SPATA6: variants seen among roughly 807,000 people sequenced by gnomAD.
The protein encoded by SPATA6 is spermatogenesis-associated protein 6.
Under a neutral mutation model 65.3 loss-of-function variants are expected in SPATA6, and 56 were observed. The observed-to-expected ratio is 0.86, with a 90% confidence interval of 0.69 to 1.07. The LOEUF (loss-of-function observed/expected upper bound fraction) is 1.07. Among genes scored for constraint, SPATA6 ranks in the 50% least tolerant of loss-of-function variants. The pLI, the probability that SPATA6 is intolerant of heterozygous loss-of-function variation, is 0.00. For missense variants in SPATA6, 590 were observed against 594.8 expected (o/e 0.99, Z 0.08); for synonymous variants, 199 against 213.2 (o/e 0.93, Z 0.58).
intron 11 of SPATA6, among the ~76,000 whole-genome samples, chr1:48,353,446 A>C (rs1464593437): frequency 2.6e-5 from 4 of 151,172 alleles, no homozygotes; most frequent in Non-Finnish European, 5.9e-5. Flanking sequence ...AAAAAAAAAA[A>C]CTCACGTGTT....
intron 3 of SPATA6, among the ~76,000 whole-genome samples, chr1:48,441,394 C>T (rs1655458973): frequency 6.6e-6 from 1 of 152,234 alleles, no homozygotes; most frequent in African/African-American, 2.4e-5. Flanking sequence ...TCTCCCACCT[C>T]CTCAGTTGTA....
chr1:48,466,682 ATTT>A (rs1657832128), intron 1 of SPATA6, among the ~76,000 whole-genome samples: 1 of 151,956 alleles, frequency 6.6e-6, no homozygotes, highest in Non-Finnish European at 1.5e-5. Context: ...AATTTGAACT[ATTT>A]TATAGTTAAA....
intron 9 of SPATA6, among the ~76,000 whole-genome samples, chr1:48,381,758 G>A (rs1350463268): frequency 7.0e-6 from 1 of 143,072 alleles, no homozygotes; most frequent in Non-Finnish European, 1.5e-5. Flanking sequence ...GGGGGATTTA[G>A]CAGGGTCATA....
chr1:48,280,761 G>A, the SPATA6 span, among the ~76,000 whole-genome samples: 3 of 152,118 alleles, frequency 2.0e-5, no homozygotes, highest in African/African-American at 7.2e-5. Context: ...GGTACAAGGA[G>A]GAACTGGTAC....
intron 3 of SPATA6, among the ~76,000 whole-genome samples, chr1:48,428,440 C>T (rs527738813): frequency 2.0e-5 from 3 of 152,092 alleles, no homozygotes; most frequent in East Asian, 1.9e-4. Flanking sequence ...GCAACAAGAG[C>T]GAAACTCCGT....
intron 11 of SPATA6, among the ~76,000 whole-genome samples, chr1:48,323,112 A>G (rs1352451961): frequency 6.6e-6 from 1 of 152,204 alleles, no homozygotes; most frequent in Non-Finnish European, 1.5e-5. Flanking sequence ...CTATAAAGAC[A>G]CATGCACACA....
intron 3 of SPATA6, among the ~76,000 whole-genome samples, chr1:48,449,530 C>A (rs1656365233): frequency 6.6e-6 from 1 of 152,056 alleles, no homozygotes; most frequent in Admixed American, 6.6e-5. Flanking sequence ...AGCAATCAGC[C>A]AAACCCAAAC....
intron 5 of SPATA6, among the ~76,000 whole-genome samples, chr1:48,411,218 T>C (rs937411479): frequency 6.6e-6 from 1 of 152,220 alleles, no homozygotes; most frequent in African/African-American, 2.4e-5. Context: ...TTCATTTAGA[T>C]TTCAATATGT....
intron 4 of SPATA6, among the ~76,000 whole-genome samples, chr1:48,412,665 C>T (rs149373157): frequency 6.6e-6 from 1 of 152,110 alleles, no homozygotes; most frequent in African/African-American, 2.4e-5. Flanking sequence ...GTCACCCAGG[C>T]TGGAGTGCAA....
chr1:48,395,160 A>G lies in SPATA6; in HGVS notation c.868+107T>C, dbSNP rs970132456. 10 of 763,134 alleles carry G rather than the reference A, an allele frequency of 1.3e-5. No individual in the cohort carries two copies. The Admixed American group carries it at 3.4e-4, about 26-fold the overall frequency. The allele number at this position is 763,134 out of a possible 1,614,324, so 47.3% of individuals were successfully genotyped here. On this transcript the variant is annotated intron_variant, in intron 8 of 12. Transcript: ENST00000371847. ...GTAAAAAGCTACATTATACAATATT[A>G]TCCAATAATGTAACAAAGATTCTGT...
At chr1:48,300,088 G>A (rs1644901618) in intron 12 of SPATA6, among the ~76,000 whole-genome samples, 2 of 152,174 alleles carry the variant, frequency 1.3e-5, no homozygotes, top group South Asian at 4.1e-4. Flanking sequence ...GGAAGCTAAT[G>A]AAATAGACTA....
chr1:48,426,316 T>C (rs547276000), intron 3 of SPATA6, among the ~76,000 whole-genome samples: 1 of 152,282 alleles, frequency 6.6e-6, no homozygotes, highest in East Asian at 1.9e-4. Flanking sequence ...TTCATTTCAA[T>C]AGCAGGTAAA....
At chr1:48,289,285 T>C in the SPATA6 span, among the ~76,000 whole-genome samples, 1 of 152,218 alleles carries the variant, frequency 6.6e-6, no homozygotes, top group Non-Finnish European at 1.5e-5. Flanking sequence ...CTGAGGGTCC[T>C]GACTGTTTGA....
At chr1:48,442,857 A>G (rs1424684615) in intron 3 of SPATA6, among the ~76,000 whole-genome samples, 1 of 152,160 alleles carries the variant, frequency 6.6e-6, no homozygotes, top group Admixed American at 6.5e-5. Flanking sequence ...GTCAGTGTAA[A>G]CAAGGGCGTA....
intron 11 of SPATA6, among the ~76,000 whole-genome samples, chr1:48,315,864 G>GA (rs756218599): frequency 1.2e-4 from 19 of 152,198 alleles, no homozygotes; most frequent in Admixed American, 9.2e-4. Flanking sequence ...AAATCAATGT[G>GA]AAAAAATCAC....
intron 1 of SPATA6, among the ~76,000 whole-genome samples, chr1:48,466,088 A>G (rs1320313365): frequency 6.6e-6 from 1 of 152,080 alleles, no homozygotes; most frequent in African/African-American, 2.4e-5. Context: ...AATGCTCCCT[A>G]GGGCACACAA....
At position 48,387,654 on chromosome 1, in the gene SPATA6, G is replaced by A. The variant is rs554118429; in HGVS notation, c.869-2305C>T. Among the ~76,000 whole-genome samples, 9 of 152,232 alleles carry A rather than the reference G, an allele frequency of 5.9e-5. No homozygotes were observed. In the South Asian group the frequency reaches 1.9e-3, roughly 32 times the overall value. On this transcript the variant is annotated intron_variant, in intron 8 of 12. Coordinates refer to ENST00000371847, the MANE Select transcript of SPATA6 (RefSeq NM_019073.4). ...AGCCTGAGGCAAGCAAGACAGGCCT[G>A]ACTCTGCCCCTCCTCCTCCCATGCC...
At chr1:48,364,201 T>TCAC (rs1335089256) in intron 9 of SPATA6, among the ~76,000 whole-genome samples, 4 of 152,218 alleles carry the variant, frequency 2.6e-5, no homozygotes. Context: ...CAATCTATTG[T>TCAC]TGTTGGACAT....
intron 3 of SPATA6, among the ~76,000 whole-genome samples, chr1:48,427,538 T>C (rs1347950965): frequency 6.6e-6 from 1 of 151,562 alleles, no homozygotes; most frequent in Non-Finnish European, 1.5e-5. Flanking sequence ...TTATAGAATA[T>C]ATACAACGAA....
Sources: allele counts gnomAD v4.1 joint callset (sites outside exome capture counted in the v4.1 genomes callset), GRCh38; gene constraint gnomAD v4.1.1; transcripts MANE v1.5; gene names NCBI Gene and HGNC (gene_info 2026-07-23, HGNC 2026-07-21).